GABRB1: variants seen among roughly 807,000 people sequenced by gnomAD.
GABRB1 encodes gamma-aminobutyric acid receptor subunit beta-1.
A neutral mutation model predicts 51.6 loss-of-function variants in GABRB1; 17 were observed. The observed-to-expected ratio is 0.33, with a 90% confidence interval of 0.23 to 0.49. The LOEUF (loss-of-function observed/expected upper bound fraction) is 0.49. Ranked by LOEUF, GABRB1 falls within the 20% of genes least tolerant of loss-of-function variation. The pLI is 0.99. For synonymous variants in GABRB1, 247 were observed against 218.9 expected, an observed-to-expected ratio of 1.13 and a Z score of -1.14; for missense variants, 410 against 600.6, an observed-to-expected ratio of 0.68 and a Z score of 3.32.
intron 5 of GABRB1, among the ~76,000 whole-genome samples, chr4:47,391,753 A>G (rs547046508): frequency 2.0e-5 from 3 of 152,352 alleles, no homozygotes; most frequent in African/African-American, 7.2e-5. Context: ...TTGGGACCAT[A>G]AACTCAAAAC....
intron 3 of GABRB1, among the ~76,000 whole-genome samples, chr4:47,037,593 C>T (rs1276077716): frequency 6.7e-6 from 1 of 149,328 alleles, no homozygotes; most frequent in African/African-American, 2.5e-5. Flanking sequence ...TTAAAGCAAG[C>T]CTATCTAGAT....
intron 3 of GABRB1, among the ~76,000 whole-genome samples, chr4:47,130,080 T>C (rs1043652001): frequency 4.6e-5 from 7 of 152,196 alleles, no homozygotes; most frequent in Non-Finnish European, 8.8e-5. Flanking sequence ...TGATTATTTC[T>C]GGCAATAATG....
intron 4 of GABRB1, among the ~76,000 whole-genome samples, chr4:47,283,086 A>G (rs141047268): frequency 6.6e-6 from 1 of 152,164 alleles, no homozygotes. Flanking sequence ...TCATTTGTTT[A>G]CATGTCTGTC....
intron 3 of GABRB1, among the ~76,000 whole-genome samples, chr4:47,101,213 C>T (rs927165095): frequency 2.0e-5 from 3 of 151,898 alleles, no homozygotes; most frequent in East Asian, 3.9e-4. Context: ...ATGTTTAATG[C>T]CCTGTAAATA....
intron 3 of GABRB1, among the ~76,000 whole-genome samples, chr4:47,111,836 AC>A (rs1470532995): frequency 2.0e-5 from 3 of 152,004 alleles, no homozygotes; most frequent in Non-Finnish European, 4.4e-5. Flanking sequence ...CTGCACTCCA[AC>A]CTGGGCGAGA....
At chr4:47,347,259 G>A (rs1263500959) in intron 5 of GABRB1, among the ~76,000 whole-genome samples, 1 of 151,848 alleles carries the variant, frequency 6.6e-6, no homozygotes, top group Non-Finnish European at 1.5e-5. Flanking sequence ...TGCTGCCTGG[G>A]TGACAGCAAA....
chr4:47,322,931 C>T (rs1047962697), intron 5 of GABRB1, among the ~76,000 whole-genome samples: 5 of 151,860 alleles, frequency 3.3e-5, no homozygotes, highest in African/African-American at 4.8e-5. Context: ...ATCACGCCAC[C>T]GCACTCCAGC....
intron 3 of GABRB1, among the ~76,000 whole-genome samples, chr4:47,078,871 A>G (rs62305292): frequency 1.3e-5 from 2 of 152,008 alleles, no homozygotes; most frequent in Non-Finnish European, 2.9e-5. Context: ...CATTTCTTTC[A>G]GGGTTCTGCT....
intron 1 of GABRB1, among the ~76,000 whole-genome samples, chr4:47,015,240 G>T (rs1577826681): frequency 6.6e-6 from 1 of 152,242 alleles, no homozygotes; most frequent in East Asian, 1.9e-4. Context: ...GTCTATAAAT[G>T]AGACAGGAAA....
chr4:47,137,282 T>C (rs1217749639), intron 3 of GABRB1, among the ~76,000 whole-genome samples: 1 of 151,426 alleles, frequency 6.6e-6, no homozygotes, highest in Non-Finnish European at 1.5e-5. Flanking sequence ...GGTGGTCTGA[T>C]GAGCGAGGAA....
intron 3 of GABRB1, among the ~76,000 whole-genome samples, chr4:47,142,750 T>C (rs1716987905): frequency 6.6e-6 from 1 of 151,780 alleles, no homozygotes; most frequent in Non-Finnish European, 1.5e-5. Flanking sequence ...ATTGATAGGA[T>C]GTGGGAAGCA....
At chr4:47,418,487 C>T (rs1578158818) in intron 8 of GABRB1, among the ~76,000 whole-genome samples, 1 of 152,294 alleles carries the variant, frequency 6.6e-6, no homozygotes, top group Non-Finnish European at 1.5e-5. Flanking sequence ...AGGGTAATCT[C>T]CTTTACTTAC....
intron 4 of GABRB1, among the ~76,000 whole-genome samples, chr4:47,290,736 C>T (rs192319915): frequency 3.9e-4 from 59 of 152,194 alleles, no homozygotes; most frequent in African/African-American, 1.1e-3. Context: ...AAGATACTGG[C>T]GGCATTTTGC....
At chr4:47,200,839 T>C (rs1719870742) in intron 4 of GABRB1, among the ~76,000 whole-genome samples, 2 of 152,182 alleles carry the variant, frequency 1.3e-5, no homozygotes, top group Admixed American at 1.3e-4. Flanking sequence ...ACATCACTCA[T>C]TTGCATAATA....
chr4:47,293,554 A>G (rs1211057382), intron 4 of GABRB1, among the ~76,000 whole-genome samples: 1 of 152,212 alleles, frequency 6.6e-6, no homozygotes, highest in African/African-American at 2.4e-5. Context: ...AAAGATATCT[A>G]TAGATATAGA....
intron 4 of GABRB1, among the ~76,000 whole-genome samples, chr4:47,260,470 G>T (rs1393630668): frequency 2.6e-5 from 4 of 152,156 alleles, no homozygotes; most frequent in Non-Finnish European, 4.4e-5. Flanking sequence ...GGTACCAGTT[G>T]TTCCTTTCCA....
chr4:47,422,624 A>G (rs1729127452), intron 8 of GABRB1, among the ~76,000 whole-genome samples: 1 of 151,998 alleles, frequency 6.6e-6, no homozygotes, highest in Admixed American at 6.5e-5. Flanking sequence ...CTCTACCTCT[A>G]TAGTTTCTCT....
At chr4:47,200,183 C>T (rs1719843152) in intron 4 of GABRB1, among the ~76,000 whole-genome samples, 1 of 152,106 alleles carries the variant, frequency 6.6e-6, no homozygotes, top group South Asian at 2.1e-4. Context: ...ATTGTTGGTC[C>T]TGCAGGGGTC....
chr4:47,108,132 T>C (rs867942631), intron 3 of GABRB1, among the ~76,000 whole-genome samples: 40 of 152,178 alleles, frequency 2.6e-4, no homozygotes, highest in African/African-American at 8.2e-4. Context: ...TCTCTGAACT[T>C]TCCTTGCTAC....
Sources: gnomAD v4.1 joint callset for allele counts (sites outside exome capture counted in the v4.1 genomes callset) on GRCh38, gnomAD v4.1.1 for gene constraint, MANE v1.5 for transcripts, NCBI Gene and HGNC (gene_info 2026-07-23, HGNC 2026-07-21) for gene names.